The following ZC3H14 variants were observed in gnomAD, a reference collection of about 807,000 sequenced individuals.
The protein encoded by ZC3H14 is zinc finger CCCH domain-containing protein 14.
A neutral mutation model predicts 92.4 loss-of-function variants in ZC3H14; 31 were observed. That is an observed-to-expected ratio of 0.34 (90% CI 0.25 to 0.45). The LOEUF (loss-of-function observed/expected upper bound fraction) is 0.45, where lower values mean the gene tolerates loss of function less well. Among genes scored for constraint, ZC3H14 ranks in the 20% least tolerant of loss-of-function variants. The pLI is 1.00. For missense variants in ZC3H14, 781 were observed against 897.3 expected, an observed-to-expected ratio of 0.87 and a Z score of 1.66; for synonymous variants, 321 against 300.9, an observed-to-expected ratio of 1.07 and a Z score of -0.69.
At position 88,568,819 on chromosome 14, in the gene ZC3H14, C is replaced by G. The variant is rs191546665; in HGVS notation, c.194+666C>G. ...ATGTGTAAAGTACTTATAGGTGTCC[C>G]TAGCATTTTCCTAAGGAATTCTTAG... On this transcript the variant is annotated intron_variant, in intron 3 of 16. Transcript: ENST00000251038. Among the ~76,000 whole-genome samples, 129 of 152,214 alleles carry G rather than the reference C, an allele frequency of 8.5e-4. 1 individual carries two copies. The Middle Eastern group carries it at 0.01, about 12-fold the overall frequency.
chr14:88,588,523 A>T (rs1001346666), intron 9 of ZC3H14, among the ~76,000 whole-genome samples: 19 of 151,980 alleles, frequency 1.3e-4, no homozygotes, highest in Admixed American at 6.6e-4. Flanking sequence ...TGCCCATCTT[A>T]TTCCATTGTG....
rs753730424 is a variant in ZC3H14 at position 88,572,164 on chromosome 14, C to T, written c.370C>T (p.Pro124Ser). The T allele has an allele frequency of 6.2e-7, 1 of 1,613,914 alleles. No individual in the cohort carries two copies. The highest frequency in any genetic ancestry group is 1.1e-5 in the South Asian group (1 of 91,048). ...ACCACTTGCCATTCCTAGCGCGAGA[C>T]CTGAAAAAAGAGATTCCAGAGTTTC... ...VPPLAIPSARPEKRDSRVSTS... is the reference protein window; with the variant it reads ...VPPLAIPSARSEKRDSRVSTS... Residue 124 changes from proline (P) to serine (S), a missense_variant, in exon 5 of 17, where the codon CCT becomes TCT. This residue lies in a region of ZC3H14 where 454 missense variants were observed against 438.5 expected (regional missense o/e 1.04). Coordinates refer to ENST00000251038, the MANE Select transcript of ZC3H14 (RefSeq NM_024824.5).
chr14:88,607,352 C>G lies in ZC3H14; in HGVS notation c.1857C>G (p.Ile619Met). 1.2e-6 allele frequency: 2 copies of G among 1,610,194 alleles called. No individual in the cohort carries two copies. Among genetic ancestry groups the G allele is most frequent in the Non-Finnish European group, 1.7e-6 (2 of 1,178,416 alleles). ...NGDECAYHHP[I>M]SPCKAFPNCK... is the part of the protein sequence containing the mutation. ...ATGAGTGTGCCTACCATCACCCCAT[C>G]TCACCCTGCAAGTGAGTACCATCCC... Residue 619 changes from isoleucine (I) to methionine (M), a missense_variant, in exon 13 of 17, where the codon ATC (isoleucine) becomes ATG (methionine). This residue lies in a region of ZC3H14 where 221 missense variants were observed against 304.7 expected (regional missense o/e 0.73). Transcript: ENST00000251038.
Position 88,618,968 on chromosome 14 carries a change from T to C in ZC3H14, c.*7217T>C, listed in dbSNP as rs1041634365. 1.6e-5 allele frequency: 9 copies of C among 572,994 alleles called. No individual in the cohort carries two copies. The highest frequency in any genetic ancestry group is 3.8e-5 in the African/African-American group (2 of 52,394). The allele number at this position is 572,994 out of a possible 1,614,324, so 35.5% of individuals were successfully genotyped here. A position where few individuals can be genotyped will look rare whatever the true frequency, so the allele number is the denominator to read the frequency against. Reference sequence around the variant, plus strand: ...CACAACTGATCATGTATACTGAGATTGTCTGGGTTACATGAAATAAGGAAG... The same window carrying C: ...CACAACTGATCATGTATACTGAGATCGTCTGGGTTACATGAAATAAGGAAG... On this transcript the variant is annotated 3_prime_UTR_variant, in exon 17 of 17. Transcript: ENST00000251038.
rs931193915 is a variant in ZC3H14 at position 88,574,873 on chromosome 14, A to G, written c.1022+20A>G. On this transcript the variant is annotated intron_variant, in intron 7 of 16. Coordinates refer to ENST00000251038, the MANE Select transcript of ZC3H14 (RefSeq NM_024824.5). ...AAGGAGGTACCTTGAACATGGCTGT[A>G]AATTAATCTTTAACTGCCTTGGTGG... 6.2e-7 allele frequency: 1 copy of G among 1,614,118 alleles called. No individual in the cohort carries two copies. Among genetic ancestry groups the G allele is most frequent in the Non-Finnish European group, 8.5e-7 (1 of 1,179,974 alleles).
rs2089190783 is a variant in ZC3H14, at chr14:88,622,533, G to A, written c.*10782G>A. 8.2e-7 allele frequency: 1 copy of A among 1,221,350 alleles called. No homozygotes were observed. The highest frequency in any genetic ancestry group is 1.1e-6 in the Non-Finnish European group (1 of 881,926). 75.7% of individuals were successfully genotyped at this position (1,221,350 alleles called of 1,614,324 possible). A position where few individuals can be genotyped will look rare whatever the true frequency, so the allele number is the denominator to read the frequency against. On this transcript the variant is annotated 3_prime_UTR_variant, in exon 17 of 17. Coordinates refer to ENST00000251038, the MANE Select transcript of ZC3H14 (RefSeq NM_024824.5). ...TAAGTATTGTTCATTAGGCTGCAAA[G>A]GGTGAGGGAATCACAGTAATAACCA...
intron 2 of ZC3H14, among the ~76,000 whole-genome samples, chr14:88,566,298 T>A (rs1389224095): frequency 1.3e-5 from 2 of 152,022 alleles, no homozygotes; most frequent in African/African-American, 4.8e-5. Flanking sequence ...TTAAAAATGA[T>A]CAGTTCTAAT....
chr14:88,572,473 T>G, intron 5 of ZC3H14, 105 bp from the exon 6 acceptor site: 1 of 1,393,734 alleles, frequency 7.2e-7, no homozygotes, highest in Non-Finnish European at 1.0e-6. Context: ...GTAAAGGGAG[T>G]ATCCTCAGTT....
chr14:88,611,614 C>A, intron 16 of ZC3H14, 131 bp from the exon 17 acceptor site: 1 of 972,888 alleles, frequency 1.0e-6, no homozygotes, highest in Non-Finnish European at 1.5e-6. Context: ...TTTTAAAAAT[C>A]TGCCATTTAT....
chr14:88,587,562 C>G lies in ZC3H14; in HGVS notation c.1280-9172C>G, dbSNP rs1208025823. Among the ~76,000 whole-genome samples the G allele has an allele frequency of 1.3e-5, 2 of 152,252 alleles. 1 individual carries two copies. Among genetic ancestry groups the G allele is most frequent in the South Asian group, 4.1e-4 (2 of 4,826 alleles). On this transcript the variant is annotated intron_variant, in intron 9 of 16. Transcript: ENST00000251038. ...CACCTGTTCTTTTATATTGTCAAAG[C>G]TGATCAAATTTACATTTTGTTCCCT...
At chr14:88,563,561 A>T (rs1482224772) in intron 1 of ZC3H14, 90 bp from the exon 2 acceptor site, 1 of 1,589,098 alleles carries the variant, frequency 6.3e-7, no homozygotes, top group African/African-American at 1.3e-5. Flanking sequence ...AGGTGCGCGC[A>T]CCAGCAAAGT....
chr14:88,600,324 C>T (rs1452408043), intron 10 of ZC3H14, among the ~76,000 whole-genome samples: 1 of 152,232 alleles, frequency 6.6e-6, no homozygotes, highest in Non-Finnish European at 1.5e-5. Context: ...AGAGCCTCAC[C>T]CTCTGTCCCG....
At chr14:88,590,802 G>C (rs1457387110) in intron 9 of ZC3H14, 1 of 152,178 alleles carries the variant, frequency 6.6e-6, no homozygotes, top group Non-Finnish European at 1.5e-5. Flanking sequence ...GTTACTGAGT[G>C]CCCAGAGCAG....
rs1225341509 is a variant in ZC3H14 at position 88,619,085 on chromosome 14, G to GC, written c.*7336dup. ...TAATGGCTTAAAAAAACTTTCTTAG[G>GC]CCAGGCCCAGTGGCTCACACCTATA... On this transcript the variant is annotated 3_prime_UTR_variant, in exon 17 of 17. Transcript: ENST00000251038. 2 of 233,798 alleles carry GC rather than the reference G, an allele frequency of 8.6e-6. No homozygotes were observed. The highest frequency in any genetic ancestry group is 1.6e-5 in the Non-Finnish European group (2 of 121,486). The allele number at this position is 233,798 out of a possible 1,614,324, so 14.5% of individuals were successfully genotyped here. A position where few individuals can be genotyped will look rare whatever the true frequency, so the allele number is the denominator to read the frequency against.
At chr14:88,607,140 T>G (rs1241765325) in intron 12 of ZC3H14, 103 bp from the exon 13 acceptor site, 1 of 1,557,248 alleles carries the variant, frequency 6.4e-7, no homozygotes. Flanking sequence ...ACTGTACATT[T>G]AACAGAAGAT....
chr14:88,607,461 C>T, intron 13 of ZC3H14, 98 bp downstream of exon 13: 1 of 1,444,144 alleles, frequency 6.9e-7, no homozygotes, highest in Non-Finnish European at 9.5e-7. Flanking sequence ...AGTACCATCC[C>T]ATCTCACCCA....
In ZC3H14 at chr14:88,616,172, T is replaced by C. The variant is rs1344189980; in HGVS notation, c.*4421T>C. ...GTCATCACCTCCAGCACTAACAACA[T>C]GTCGATCACCACTGGTAAATCGAAT... On this transcript the variant is annotated 3_prime_UTR_variant, in exon 17 of 17. Coordinates refer to ENST00000251038, the MANE Select transcript of ZC3H14 (RefSeq NM_024824.5). The C allele has an allele frequency of 6.2e-7, 1 of 1,613,920 alleles. No individual in the cohort carries two copies. The highest frequency in any genetic ancestry group is 8.5e-7 in the Non-Finnish European group (1 of 1,179,810).
chr14:88,583,132 T>A (rs2082108322), intron 9 of ZC3H14, among the ~76,000 whole-genome samples: 1 of 151,344 alleles, frequency 6.6e-6, no homozygotes, highest in Non-Finnish European at 1.5e-5. Flanking sequence ...TTGTGCTTTT[T>A]TTTTATTTTT....
At position 88,563,066 on chromosome 14, in the gene ZC3H14, G is replaced by A. The variant is rs2079075230; in HGVS notation, c.-68G>A. On this transcript the variant is annotated 5_prime_UTR_variant, in exon 1 of 17. Coordinates refer to ENST00000251038, the MANE Select transcript of ZC3H14 (RefSeq NM_024824.5). ...GCGGTGGTGTCCCGGCTGCGGGGTA[G>A]GAGTCCGCGGCAGCCTCCGGGTAAG... 2.6e-6 allele frequency: 4 copies of A among 1,538,522 alleles called. No homozygotes were observed. In the Middle Eastern group the frequency reaches 6.2e-4, roughly 237 times the overall value.
Sources: gnomAD v4.1 joint callset for allele counts (sites outside exome capture counted in the v4.1 genomes callset) on GRCh38, gnomAD v4.1.1 for gene constraint, gnomAD v4.1.1 regional missense constraint, MANE v1.5 for transcripts, NCBI Gene and HGNC (gene_info 2026-07-23, HGNC 2026-07-21) for gene names.